The following FKBP3 variants were observed in gnomAD, a reference collection of about 807,000 sequenced individuals.
The protein encoded by FKBP3 is peptidyl-prolyl cis-trans isomerase FKBP3.
Under a neutral mutation model 30.6 loss-of-function variants are expected in FKBP3, and 21 were observed. The ratio of observed to expected loss-of-function variants is 0.69; its 90% CI spans 0.49 to 0.99. The LOEUF is 0.99. Among genes scored for constraint, FKBP3 ranks in the 50% least tolerant of loss-of-function variants. The pLI is 0.00. For synonymous variants in FKBP3, 82 were observed against 91.3 expected, an observed-to-expected ratio of 0.90 and a Z score of 0.58; for missense variants, 283 against 261.6, an observed-to-expected ratio of 1.08 and a Z score of -0.56.
chr14:45,129,853 T>A lies in FKBP3; in HGVS notation c.259A>T (p.Asn87Tyr). The change falls in exon 3 of 7, where the codon AAT (asparagine) becomes TAT (tyrosine). Residue 87 changes from asparagine (N) to tyrosine (Y), a missense_variant. By Grantham distance (143) the Asn-to-Tyr change is moderately radical (BLOSUM62 -2). Transcript: ENST00000396062. ...SISKVSEQVK[N>Y]VKLNEDKPKE... ...GGTTTATCTTCATTAAGCTTCACAT[T>A]TTTTACTTGCTCAGACACTTTACTT... The A allele has an allele frequency of 6.2e-7, 1 of 1,613,274 alleles. No individual in the cohort carries two copies. Among genetic ancestry groups the A allele is most frequent in the Non-Finnish European group, 8.5e-7 (1 of 1,179,588 alleles).
At chr14:45,130,840 C>T (rs768544983) in intron 1 of FKBP3, 40 bp from the exon 2 acceptor site, 15 of 1,225,846 alleles carry the variant, frequency 1.2e-5, no homozygotes, top group South Asian at 1.2e-4. Context: ...TAACTTCTCC[C>T]GAGTAAGAAG....
intron 6 of FKBP3, among the ~76,000 whole-genome samples, chr14:45,117,326 T>C (rs1884869777): frequency 6.6e-6 from 1 of 152,232 alleles, no homozygotes; most frequent in Non-Finnish European, 1.5e-5. Flanking sequence ...AATATGTTTA[T>C]CTGCTAAGAC....
intron 5 of FKBP3, among the ~76,000 whole-genome samples, chr14:45,120,042 G>A (rs1884949912): frequency 1.3e-5 from 2 of 152,106 alleles, no homozygotes; most frequent in Admixed American, 6.6e-5. Context: ...GTTTTAAGAT[G>A]TTTTATATTC....
intron 4 of FKBP3, 31 bp downstream of exon 4, chr14:45,121,454 G>C: frequency 6.3e-7 from 1 of 1,592,534 alleles, no homozygotes; most frequent in South Asian, 1.1e-5. Context: ...ATCTCTTTAA[G>C]CCAAAAACAT....
intron 3 of FKBP3, among the ~76,000 whole-genome samples, chr14:45,123,791 T>C (rs560227595): frequency 1.1e-4 from 17 of 151,842 alleles, no homozygotes; most frequent in African/African-American, 3.1e-4. Context: ...AATTTTTGTT[T>C]GTATTTTTAG....
chr14:45,123,222 A>G (rs1453591536), intron 3 of FKBP3, among the ~76,000 whole-genome samples: 1 of 151,068 alleles, frequency 6.6e-6, no homozygotes, highest in African/African-American at 2.4e-5. Context: ...CAAATAGTCT[A>G]CCTCTTGGGC....
chr14:45,129,573 G>A (rs1320142485), intron 3 of FKBP3, among the ~76,000 whole-genome samples: 1 of 152,164 alleles, frequency 6.6e-6, no homozygotes, highest in Non-Finnish European at 1.5e-5. Flanking sequence ...AATATCAGAA[G>A]TGTTTCACAG....
chr14:45,126,348 C>A (rs898221000), intron 3 of FKBP3, among the ~76,000 whole-genome samples: 1 of 151,808 alleles, frequency 6.6e-6, no homozygotes, highest in Non-Finnish European at 1.5e-5. Flanking sequence ...ATTAACCGGG[C>A]GTTGTGGTGT....
intron 3 of FKBP3, among the ~76,000 whole-genome samples, chr14:45,122,154 T>G (rs1359194869): frequency 6.6e-6 from 1 of 152,190 alleles, no homozygotes; most frequent in Non-Finnish European, 1.5e-5. Flanking sequence ...CAGGCATATT[T>G]CCTAGAACAA....
intron 3 of FKBP3, among the ~76,000 whole-genome samples, chr14:45,128,213 T>C (rs1195349024): frequency 3.3e-5 from 5 of 152,190 alleles, no homozygotes; most frequent in African/African-American, 1.2e-4. Flanking sequence ...GGCGCCTGCC[T>C]GGAGTCCCAG....
chr14:45,118,342 T>A (rs914896700), intron 5 of FKBP3, among the ~76,000 whole-genome samples: 1 of 152,150 alleles, frequency 6.6e-6, no homozygotes, highest in African/African-American at 2.4e-5. Context: ...GCTTTTTTAA[T>A]GTGAAAAGAA....
At chr14:45,133,671 T>C (rs1196717330) in intron 1 of FKBP3, among the ~76,000 whole-genome samples, 2 of 152,180 alleles carry the variant, frequency 1.3e-5, no homozygotes, top group African/African-American at 4.8e-5. Context: ...TATAGACGGA[T>C]GGTTAAGATG....
intron 1 of FKBP3, among the ~76,000 whole-genome samples, chr14:45,134,045 C>G (rs1885296022): frequency 6.6e-6 from 1 of 152,242 alleles, no homozygotes; most frequent in South Asian, 2.1e-4. Flanking sequence ...CCCTAGCCCC[C>G]AATATCCTCG....
intron 1 of FKBP3, among the ~76,000 whole-genome samples, chr14:45,131,896 T>C (rs555971871): frequency 2.6e-5 from 4 of 152,350 alleles, no homozygotes; most frequent in East Asian, 1.9e-4. Flanking sequence ...TTCTTTCAAA[T>C]ATAAGACTGC....
intron 1 of FKBP3, 146 bp downstream of exon 1, chr14:45,134,203 C>A (rs1885310284): frequency 1.5e-6 from 1 of 661,146 alleles, no homozygotes; most frequent in African/African-American, 1.8e-5. Flanking sequence ...CACCAAAGCA[C>A]AAGCTGGGCC....
At chr14:45,126,452 C>T (rs1885099945) in intron 3 of FKBP3, among the ~76,000 whole-genome samples, 1 of 151,854 alleles carries the variant, frequency 6.6e-6, no homozygotes, top group Non-Finnish European at 1.5e-5. Context: ...CACACCACTG[C>T]ATTCCAGCCT....
chr14:45,117,039 A>C (rs78522537), intron 6 of FKBP3, among the ~76,000 whole-genome samples: 1 of 148,802 alleles, frequency 6.7e-6, no homozygotes, highest in East Asian at 2.0e-4. Flanking sequence ...TGGCATGATC[A>C]CAGCTCACTG....
intron 1 of FKBP3, among the ~76,000 whole-genome samples, chr14:45,132,229 AAAGTTGAC>A (rs1313931741): frequency 1.3e-5 from 2 of 152,196 alleles, no homozygotes; most frequent in Non-Finnish European, 2.9e-5. Context: ...GAAAGGAGAC[AAAGTTGAC>A]TAAACGGAAG....
chr14:45,122,075 T>C (rs909879832), intron 3 of FKBP3, among the ~76,000 whole-genome samples: 4 of 152,188 alleles, frequency 2.6e-5, no homozygotes, highest in African/African-American at 4.8e-5. Flanking sequence ...TACAGTGATA[T>C]TGCCTCTGTC....
Sources: gnomAD v4.1 joint callset for allele counts (sites outside exome capture counted in the v4.1 genomes callset) on GRCh38, gnomAD v4.1.1 for gene constraint, MANE v1.5 for transcripts, NCBI Gene and HGNC (gene_info 2026-07-23, HGNC 2026-07-21) for gene names.